Variants in CREB5 observed in about 807,000 individuals in gnomAD.
CREB5 encodes the protein cyclic AMP-responsive element-binding protein 5.
In CREB5, 19 loss-of-function variants were observed where a neutral mutation model predicts 57.1. The ratio of observed to expected loss-of-function variants is 0.33; its 90% CI spans 0.23 to 0.49. The LOEUF (loss-of-function observed/expected upper bound fraction) is 0.49. Ranked by LOEUF, CREB5 falls within the 20% of genes least tolerant of loss-of-function variation. The pLI is 0.99. For missense variants in CREB5, 579 were observed against 671.6 expected, an observed-to-expected ratio of 0.86 and a Z score of 1.52; for synonymous variants, 238 against 238.3, an observed-to-expected ratio of 1.00 and a Z score of 0.01.
At chr7:28,397,621 T>C (rs1310716555) in intron 1 of CREB5, among the ~76,000 whole-genome samples, 1 of 152,198 alleles carries the variant, frequency 6.6e-6, no homozygotes, top group East Asian at 1.9e-4. Flanking sequence ...ATCTGTCTTA[T>C]AAGCAAAACT....
intron 1 of CREB5, among the ~76,000 whole-genome samples, chr7:28,351,642 G>A (rs1554305520): frequency 6.6e-6 from 1 of 151,982 alleles, no homozygotes; most frequent in Non-Finnish European, 1.5e-5. Context: ...CAGACCTCTT[G>A]ATAATACAGT....
chr7:28,725,286 C>G (rs548879219), intron 7 of CREB5, among the ~76,000 whole-genome samples: 1 of 152,290 alleles, frequency 6.6e-6, no homozygotes, highest in African/African-American at 2.4e-5. Context: ...GAGTCAGACC[C>G]AGTGACTTCC....
chr7:28,743,844 T>TTC (rs1440585972), intron 7 of CREB5, among the ~76,000 whole-genome samples: 1 of 142,454 alleles, frequency 7.0e-6, no homozygotes, highest in Admixed American at 7.0e-5. Flanking sequence ...TTTTCTTTTT[T>TTC]TTTTTTTTTT....
intron 1 of CREB5, among the ~76,000 whole-genome samples, chr7:28,480,780 G>A (rs989063657): frequency 6.6e-5 from 10 of 152,108 alleles, no homozygotes; most frequent in Admixed American, 1.3e-4. Context: ...ACCTAAATGC[G>A]GTTCATACGC....
intron 5 of CREB5, among the ~76,000 whole-genome samples, chr7:28,607,943 A>C (rs1797213158): frequency 6.6e-6 from 1 of 152,054 alleles, no homozygotes; most frequent in Admixed American, 6.6e-5. Flanking sequence ...TTGCCCTTCG[A>C]AACAAACACT....
At chr7:28,529,909 A>G (rs1793648901) in intron 4 of CREB5, among the ~76,000 whole-genome samples, 1 of 152,220 alleles carries the variant, frequency 6.6e-6, no homozygotes, top group Non-Finnish European at 1.5e-5. Context: ...TGATAATCAC[A>G]CCAGCTATTG....
chr7:28,526,240 T>G (rs565504616), intron 4 of CREB5, among the ~76,000 whole-genome samples: 2 of 152,194 alleles, frequency 1.3e-5, no homozygotes, highest in Admixed American at 6.5e-5. Context: ...ATTATATAAA[T>G]CAAAAGTCCA....
intron 1 of CREB5, among the ~76,000 whole-genome samples, chr7:28,423,149 T>C (rs1279672362): frequency 1.3e-5 from 2 of 152,198 alleles, no homozygotes; most frequent in East Asian, 3.9e-4. Context: ...CATACACTTA[T>C]GGAACCAAGT....
chr7:28,445,803 A>G (rs147346944), intron 1 of CREB5, among the ~76,000 whole-genome samples: 103,731 of 150,892 alleles, frequency 0.69, 36,331 homozygotes, highest in East Asian at 0.91. Context: ...CGCCTGCCTC[A>G]GCCTCCCAAA....
At chr7:28,560,877 T>TGCGCGTGCGTGCGTGCGC (rs1252188779) in intron 4 of CREB5, among the ~76,000 whole-genome samples, 1 of 30,860 alleles carries the variant, frequency 3.2e-5, no homozygotes, top group Non-Finnish European at 5.7e-5. Flanking sequence ...TGCGTGCGCG[T>TGCGCGTGCGTGCGTGCGC]GCGTGCGTGC....
At chr7:28,313,643 G>C (rs1356234718) in intron 1 of CREB5, among the ~76,000 whole-genome samples, 3 of 152,112 alleles carry the variant, frequency 2.0e-5, no homozygotes, top group Non-Finnish European at 4.4e-5. Context: ...ACCAGTTCAG[G>C]GATTTCTGTG....
At chr7:28,795,546 G>A (rs1316150273) in intron 7 of CREB5, among the ~76,000 whole-genome samples, 2 of 152,148 alleles carry the variant, frequency 1.3e-5, no homozygotes, top group East Asian at 3.8e-4. Context: ...TCATTGTAGG[G>A]CAAATATCTT....
At chr7:28,560,881 T>TGTGTGCGCGTGTGCGCGCGC (rs1554344374) in intron 4 of CREB5, among the ~76,000 whole-genome samples, 1 of 46,206 alleles carries the variant, frequency 2.2e-5, no homozygotes, top group Non-Finnish European at 4.1e-5. Flanking sequence ...TGCGCGTGCG[T>TGTGTGCGCGTGTGCGCGCGC]GCGTGCGTGT....
chr7:28,595,743 G>A (rs1027416110), intron 5 of CREB5, among the ~76,000 whole-genome samples: 3 of 152,136 alleles, frequency 2.0e-5, no homozygotes, highest in African/African-American at 4.8e-5. Flanking sequence ...TGGCTCTTCT[G>A]GCAGCAGCAA....
At chr7:28,309,864 C>T (rs1477653299) in intron 1 of CREB5, among the ~76,000 whole-genome samples, 1 of 152,178 alleles carries the variant, frequency 6.6e-6, no homozygotes, top group Non-Finnish European at 1.5e-5. Context: ...CTCAGCACAC[C>T]TGACATGAGA....
chr7:28,353,615 G>A (rs35765063), intron 1 of CREB5, among the ~76,000 whole-genome samples: 2,803 of 152,056 alleles, frequency 0.018, 40 homozygotes, highest in Non-Finnish European at 0.023. Flanking sequence ...AGGCCGAGGC[G>A]GGCAGATCAC....
chr7:28,485,085 G>C (rs534827474), intron 1 of CREB5, among the ~76,000 whole-genome samples: 2 of 152,168 alleles, frequency 1.3e-5, no homozygotes, highest in Non-Finnish European at 2.9e-5. Context: ...TCAGTACTTT[G>C]GTAGGCCAGG....
intron 4 of CREB5, among the ~76,000 whole-genome samples, chr7:28,515,995 CTCAGG>C (rs1272883996): frequency 1.3e-5 from 2 of 151,848 alleles, no homozygotes; most frequent in Non-Finnish European, 2.9e-5. Flanking sequence ...ATCACTTGAG[CTCAGG>C]AGTTTAAGAT....
intron 4 of CREB5, among the ~76,000 whole-genome samples, chr7:28,556,329 G>A (rs367759020): frequency 4.8e-4 from 73 of 152,284 alleles, no homozygotes; most frequent in African/African-American, 1.7e-3. Flanking sequence ...GCCTTAAAGT[G>A]AGACCTGGTT....
Sources: gnomAD v4.1 joint callset for allele counts (sites outside exome capture counted in the v4.1 genomes callset) on GRCh38, gnomAD v4.1.1 for gene constraint, MANE v1.5 for transcripts, NCBI Gene and HGNC (gene_info 2026-07-23, HGNC 2026-07-21) for gene names.